SAMD3: variants seen among roughly 807,000 people sequenced by gnomAD.
SAMD3 encodes sterile alpha motif domain-containing protein 3.
In SAMD3, 63 loss-of-function variants were observed where a neutral mutation model predicts 58.5. The ratio of observed to expected loss-of-function variants is 1.08; its 90% CI spans 0.88 to 1.33. SAMD3 has a LOEUF of 1.33. Among genes scored for constraint, SAMD3 ranks in the 40% most tolerant of loss-of-function variants. SAMD3 has a pLI of 0.00. For missense variants in SAMD3, 604 were observed against 608.4 expected (o/e 0.99, Z 0.08); for synonymous variants, 220 against 210.3 (o/e 1.05, Z -0.40).
At chr6:130,161,727 C>T (rs1790297964) in intron 8 of SAMD3, 1 of 152,140 alleles carries the variant, frequency 6.6e-6, no homozygotes, top group Admixed American at 6.6e-5. Context: ...AAATTGAGAC[C>T]CTCAAAGGGG....
intron 8 of SAMD3, among the ~76,000 whole-genome samples, chr6:130,168,441 C>G (rs1488840575): frequency 1.3e-5 from 2 of 152,058 alleles, no homozygotes; most frequent in Middle Eastern, 3.4e-3. Context: ...CCAAAAAAAA[C>G]AAAAAACAAA....
chr6:130,299,445 A>G (rs1188526743), intron 2 of SAMD3, among the ~76,000 whole-genome samples: 1 of 152,174 alleles, frequency 6.6e-6, no homozygotes, highest in Non-Finnish European at 1.5e-5. Context: ...ACACACCAAA[A>G]TCTCTGGGAC....
rs531994025 is a variant in SAMD3 at position 130,228,716 on chromosome 6, C to T, written c.-187-5903G>A. ...CCTCCTTCTTGAGTCTTCTCTTCAACTGCATGCAATGGACTCAACATGGAC... is the reference window on the plus strand; with the variant it reads ...CCTCCTTCTTGAGTCTTCTCTTCAATTGCATGCAATGGACTCAACATGGAC... On this transcript the variant is annotated intron_variant, in intron 2 of 13. Transcript: ENST00000368134. Among the ~76,000 whole-genome samples, 37 of 152,332 alleles carry T rather than the reference C, an allele frequency of 2.4e-4. No homozygotes were observed. The South Asian group carries it at 7.5e-3, about 31-fold the overall frequency.
At chr6:130,324,581 T>G (rs569441052) in intron 1 of SAMD3, among the ~76,000 whole-genome samples, 4 of 152,324 alleles carry the variant, frequency 2.6e-5, no homozygotes, top group African/African-American at 7.2e-5. Flanking sequence ...TACTCTACTT[T>G]CTTTCCCCTT....
intron 2 of SAMD3, among the ~76,000 whole-genome samples, chr6:130,252,983 G>A (rs931556907): frequency 5.9e-5 from 9 of 152,174 alleles, no homozygotes; most frequent in Non-Finnish European, 1.2e-4. Flanking sequence ...TTGATTAGCT[G>A]TTTACATTTC....
chr6:130,159,042 G>C (rs2114605799), intron 8 of SAMD3, among the ~76,000 whole-genome samples: 1 of 152,332 alleles, frequency 6.6e-6, no homozygotes, highest in South Asian at 2.1e-4. Context: ...CTGGTTGCAA[G>C]AGGGGACCAA....
At chr6:130,292,226 C>T (rs565468415) in intron 2 of SAMD3, among the ~76,000 whole-genome samples, 3 of 150,370 alleles carry the variant, frequency 2.0e-5, no homozygotes, top group African/African-American at 7.3e-5. Flanking sequence ...GAACTTAGAA[C>T]TTAGGTGATT....
chr6:130,150,132 T>C (rs1309148100), intron 9 of SAMD3, among the ~76,000 whole-genome samples: 3 of 152,156 alleles, frequency 2.0e-5, no homozygotes, highest in Non-Finnish European at 4.4e-5. Flanking sequence ...TGTGTGTGCG[T>C]GTATTTCATT....
chr6:130,312,662 T>C (rs948816306), intron 2 of SAMD3, among the ~76,000 whole-genome samples: 3 of 152,264 alleles, frequency 2.0e-5, no homozygotes, highest in Admixed American at 2.0e-4. Flanking sequence ...ATTCTTTTAA[T>C]GATAATTTTT....
At chr6:130,151,603 G>A (rs978856657) in intron 9 of SAMD3, among the ~76,000 whole-genome samples, 2 of 151,948 alleles carry the variant, frequency 1.3e-5, no homozygotes, top group African/African-American at 4.8e-5. Flanking sequence ...CACCACGCCC[G>A]GCTAATTTTG....
At chr6:130,236,287 A>G (rs1773143753) in intron 2 of SAMD3, among the ~76,000 whole-genome samples, 1 of 152,160 alleles carries the variant, frequency 6.6e-6, no homozygotes, top group African/African-American at 2.4e-5. Flanking sequence ...ATTTTGTTAC[A>G]CAGCATGAAG....
chr6:130,308,660 A>G (rs1254888965), intron 2 of SAMD3, among the ~76,000 whole-genome samples: 1 of 152,078 alleles, frequency 6.6e-6, no homozygotes, highest in Non-Finnish European at 1.5e-5. Context: ...CCTCAAATCA[A>G]GGGGAAAATT....
intron 2 of SAMD3, among the ~76,000 whole-genome samples, chr6:130,290,597 A>G (rs1775332077): frequency 6.6e-6 from 1 of 152,232 alleles, no homozygotes. Flanking sequence ...TAAGATGAAT[A>G]TCTGGGCTCT....
At chr6:130,212,459 A>T (rs1795659227) in intron 4 of SAMD3, among the ~76,000 whole-genome samples, 1 of 152,242 alleles carries the variant, frequency 6.6e-6, no homozygotes, top group Non-Finnish European at 1.5e-5. Context: ...TAACCCAGTT[A>T]ACAAAGTTTC....
At chr6:130,327,402 T>C (rs954836163) in intron 1 of SAMD3, among the ~76,000 whole-genome samples, 1 of 152,176 alleles carries the variant, frequency 6.6e-6, no homozygotes, top group Non-Finnish European at 1.5e-5. Context: ...TAAAAAGACA[T>C]TAATTTTTCT....
chr6:130,320,630 C>T (rs7741217), intron 1 of SAMD3, among the ~76,000 whole-genome samples: 67,918 of 151,968 alleles, frequency 0.45, 17,542 homozygotes, highest in African/African-American at 0.72. Flanking sequence ...AACCTAAATG[C>T]CCATCAACAG....
In SAMD3 at chr6:130,145,390, G is replaced by A. The variant is rs1402676579; in HGVS notation, c.1228C>T (p.Pro410Ser). 1.2e-6 allele frequency: 2 copies of A among 1,611,354 alleles called. No homozygotes were observed. Among genetic ancestry groups the A allele is most frequent in the Non-Finnish European group, 1.7e-6 (2 of 1,178,258 alleles). The change falls in exon 11 of 12, where the codon CCA becomes TCA. Residue 410 changes from proline (P) to serine (S), a missense_variant. By Grantham distance (74) the Pro-to-Ser change is moderately conservative. Coordinates refer to ENST00000439090, the MANE Select transcript of SAMD3 (RefSeq NM_001017373.4). ...CTGGGATCATCCCCAAAAACATCTG[G>A]GAGGAGTAAACATGTGGCTGTCATC... The part of the protein sequence containing the change: ...MKMTATCLLL[P>S]DVFGDDPSLF...
chr6:130,338,993 A>G (rs1443635667), intron 1 of SAMD3, among the ~76,000 whole-genome samples: 1 of 152,100 alleles, frequency 6.6e-6, no homozygotes, highest in East Asian at 1.9e-4. Context: ...GGGAGGGGCC[A>G]GGGGCAGAAT....
chr6:130,315,412 G>A lies in SAMD3; in HGVS notation c.-303-2319C>T, dbSNP rs530016414. On this transcript the variant is annotated intron_variant, in intron 1 of 13. Transcript: ENST00000368134. ...ATTAGACATTTGGAGATTGAGTTAT[G>A]TGACCTTACATAAAGTCATTTGGCC... Among the ~76,000 whole-genome samples the A allele has an allele frequency of 3.2e-4, 49 of 152,146 alleles. 1 individual carries two copies. Among genetic ancestry groups the A allele is most frequent in the Non-Finnish European group, 5.6e-4 (38 of 67,996 alleles).
Sources: gnomAD v4.1 joint callset for allele counts (sites outside exome capture counted in the v4.1 genomes callset) on GRCh38, gnomAD v4.1.1 for gene constraint, MANE v1.5 for transcripts, NCBI Gene and HGNC (gene_info 2026-07-23, HGNC 2026-07-21) for gene names.